MAP2K1: variants seen among roughly 807,000 people sequenced by gnomAD.
The protein encoded by MAP2K1 is dual specificity mitogen-activated protein kinase kinase 1.
Under a neutral mutation model 46.3 loss-of-function variants are expected in MAP2K1, and 16 were observed. The ratio of observed to expected loss-of-function variants is 0.35; its 90% confidence interval spans 0.23 to 0.52. The LOEUF is 0.52. Among genes scored for constraint, MAP2K1 ranks in the 20% least tolerant of loss-of-function variants. MAP2K1 has a pLI of 0.94. For missense variants in MAP2K1, 263 were observed against 497.1 expected (o/e 0.53, Z 4.48); for synonymous variants, 183 against 185.6 (o/e 0.99, Z 0.11).
intron 5 of MAP2K1, among the ~76,000 whole-genome samples, chr15:66,448,346 T>C (rs1381186173): frequency 6.6e-6 from 1 of 152,200 alleles, no homozygotes; most frequent in East Asian, 1.9e-4. Flanking sequence ...TGTTGTATGA[T>C]GTGCTAGACA....
chr15:66,433,844 AAC>A (rs996203679), intron 1 of MAP2K1, among the ~76,000 whole-genome samples: 8 of 152,174 alleles, frequency 5.3e-5, no homozygotes, highest in African/African-American at 1.9e-4. Flanking sequence ...AATCCAGTGA[AAC>A]ACAGTGGAAA....
intron 5 of MAP2K1, among the ~76,000 whole-genome samples, chr15:66,480,878 A>G (rs765015222): frequency 1.3e-5 from 2 of 152,234 alleles, no homozygotes; most frequent in African/African-American, 2.4e-5. Flanking sequence ...TTGCTCACCT[A>G]TAAATGAGGA....
At chr15:66,444,911 G>T (rs1891822201) in intron 5 of MAP2K1, 5 of 572,758 alleles carry the variant, frequency 8.7e-6, no homozygotes, top group South Asian at 6.1e-5. Context: ...ATTGCCTATA[G>T]CTGTGATGGA....
intron 1 of MAP2K1, among the ~76,000 whole-genome samples, chr15:66,417,684 T>A (rs2093427866): frequency 6.6e-6 from 1 of 152,146 alleles, no homozygotes; most frequent in South Asian, 2.1e-4. Context: ...GGGTAGGGTT[T>A]TTTCCCAGAG....
At chr15:66,421,796 C>CA (rs778098418) in intron 1 of MAP2K1, among the ~76,000 whole-genome samples, 252 of 120,586 alleles carry the variant, frequency 2.1e-3, no homozygotes, top group Non-Finnish European at 2.8e-3. Context: ...GACTCCATCT[C>CA]AAAAAAAAAA....
At chr15:66,416,583 C>T (rs769486228) in intron 1 of MAP2K1, among the ~76,000 whole-genome samples, 2 of 152,152 alleles carry the variant, frequency 1.3e-5, no homozygotes, top group Non-Finnish European at 2.9e-5. Flanking sequence ...GAGCACTCCC[C>T]GAGGTTTAGA....
At chr15:66,392,052 C>T (rs7166547) in intron 1 of MAP2K1, among the ~76,000 whole-genome samples, 30,322 of 151,834 alleles carry the variant, frequency 0.2, 3,130 homozygotes, top group East Asian at 0.38. Context: ...ATCGAGGCAT[C>T]GTCTCTCAAG....
chr15:66,470,091 C>CTTTTTTTT (rs1567021186), intron 5 of MAP2K1, among the ~76,000 whole-genome samples: 9 of 55,712 alleles, frequency 1.6e-4, no homozygotes, highest in Non-Finnish European at 2.5e-4. Context: ...ACTTTTTTTT[C>CTTTTTTTT]TTGTTTTTTT....
intron 1 of MAP2K1, among the ~76,000 whole-genome samples, chr15:66,391,481 G>A (rs928181799): frequency 6.6e-6 from 1 of 152,046 alleles, no homozygotes; most frequent in African/African-American, 2.4e-5. Context: ...GTAGAGATGG[G>A]GTTTCACCAT....
At chr15:66,433,934 A>G (rs553666496) in intron 1 of MAP2K1, among the ~76,000 whole-genome samples, 4 of 152,212 alleles carry the variant, frequency 2.6e-5, no homozygotes, top group Non-Finnish European at 5.9e-5. Flanking sequence ...ACTCTTGAGC[A>G]ATGCCCACAG....
In MAP2K1 at chr15:66,435,032, A is replaced by G. The variant is rs1277076291; in HGVS notation, c.86A>G (p.Asn29Ser). ...AVNGTSSAET[N>S]LEALQKKLEE... ...TGCTCCCCACTTTGGAACAGGACCA[A>G]CTTGGAGGCCTTGCAGAAGAAGCTG... Residue 29 changes from asparagine to serine, a missense_variant, in exon 2 of 11, where the codon AAC becomes AGC. Transcript: ENST00000307102. 2.4e-5 allele frequency: 39 copies of G among 1,612,824 alleles called. No individual in the cohort carries two copies. Among genetic ancestry groups the G allele is most frequent in the Non-Finnish European group, 3.2e-5 (38 of 1,178,902 alleles).
intron 1 of MAP2K1, among the ~76,000 whole-genome samples, chr15:66,420,831 GTA>G (rs1330919375): frequency 1.9e-5 from 2 of 104,188 alleles, no homozygotes; most frequent in South Asian, 3.3e-4. Context: ...ATATATATGT[GTA>G]TATATATGTG....
chr15:66,408,544 G>A (rs1423141473), intron 1 of MAP2K1, among the ~76,000 whole-genome samples: 1 of 152,134 alleles, frequency 6.6e-6, no homozygotes, highest in African/African-American at 2.4e-5. Context: ...GCGTGTGTGT[G>A]GGGGTGGTAT....
chr15:66,426,248 A>G (rs1567005954), intron 1 of MAP2K1, among the ~76,000 whole-genome samples: 1 of 151,952 alleles, frequency 6.6e-6, no homozygotes, highest in Non-Finnish European at 1.5e-5. Flanking sequence ...AAAATAGGAA[A>G]ATAGACACTA....
chr15:66,439,103 T>C (rs1326840257), intron 3 of MAP2K1, among the ~76,000 whole-genome samples: 1 of 152,204 alleles, frequency 6.6e-6, no homozygotes, highest in Non-Finnish European at 1.5e-5. Flanking sequence ...GCAGGTCCTG[T>C]TGCAGGAAAG....
intron 5 of MAP2K1, among the ~76,000 whole-genome samples, chr15:66,472,922 C>T (rs1892674913): frequency 6.6e-6 from 1 of 152,186 alleles, no homozygotes; most frequent in Admixed American, 6.5e-5. Context: ...GAACTCTGGC[C>T]TATCTTCTTT....
At chr15:66,435,340 G>C in intron 2 of MAP2K1, 103 bp downstream of exon 2, 1 of 931,218 alleles carries the variant, frequency 1.1e-6, no homozygotes, top group South Asian at 1.5e-5. Flanking sequence ...ATACCTTTTT[G>C]TGCTGTTTGA....
chr15:66,486,280 A>G (rs1461448125), intron 7 of MAP2K1, among the ~76,000 whole-genome samples: 1 of 152,162 alleles, frequency 6.6e-6, no homozygotes, highest in Non-Finnish European at 1.5e-5. Context: ...ATTTTAAAGC[A>G]TGTAGTTCAG....
Position 66,435,977 on chromosome 15 carries a change from C to T in MAP2K1, c.291+740C>T, listed in dbSNP as rs111678089. Reference sequence around the variant, plus strand: ...GAGCTGGACTTCCCTTTCCTATCTACCCTTGGTCCTCTTTTGGAATACAGC... The same window carrying T: ...GAGCTGGACTTCCCTTTCCTATCTATCCTTGGTCCTCTTTTGGAATACAGC... On this transcript the variant is annotated intron_variant, in intron 2 of 10. Coordinates refer to ENST00000307102, the MANE Select transcript of MAP2K1 (RefSeq NM_002755.4). Among the ~76,000 whole-genome samples the T allele has an allele frequency of 1.9e-3, 293 of 152,320 alleles. 2 individuals are homozygous for T. Among genetic ancestry groups the T allele is most frequent in the African/African-American group, 6.5e-3 (272 of 41,580 alleles).
Sources: gnomAD v4.1 joint callset for allele counts (sites outside exome capture counted in the v4.1 genomes callset) on GRCh38, gnomAD v4.1.1 for gene constraint, MANE v1.5 for transcripts, NCBI Gene and HGNC (gene_info 2026-07-23, HGNC 2026-07-21) for gene names.